GHR: variants seen among roughly 807,000 people sequenced by gnomAD.
GHR encodes the protein GH receptor.
Under a neutral mutation model 67.1 loss-of-function variants are expected in GHR, and 35 were observed. The ratio of observed to expected loss-of-function variants is 0.52; its 90% CI spans 0.40 to 0.69. The LOEUF is 0.69. Ranked by LOEUF, GHR falls within the 30% of genes least tolerant of loss-of-function variation. The pLI is 0.00. For synonymous variants in GHR, 272 were observed against 269.1 expected, an observed-to-expected ratio of 1.01 and a Z score of -0.10; for missense variants, 792 against 764.6, an observed-to-expected ratio of 1.04 and a Z score of -0.42.
intron 1 of GHR, among the ~76,000 whole-genome samples, chr5:42,446,147 G>A (rs1743796076): frequency 6.6e-6 from 1 of 152,138 alleles, no homozygotes; most frequent in African/African-American, 2.4e-5. Context: ...GACCAGACAT[G>A]GACTTTAGGA....
intron 6 of GHR, among the ~76,000 whole-genome samples, chr5:42,705,681 G>A (rs940879256): frequency 2.0e-5 from 3 of 152,032 alleles, no homozygotes; most frequent in Admixed American, 6.6e-5. Flanking sequence ...ATGCATTAGT[G>A]TGCTTAGCAT....
chr5:42,442,935 C>G (rs1330240012), intron 1 of GHR, among the ~76,000 whole-genome samples: 1 of 152,206 alleles, frequency 6.6e-6, no homozygotes, highest in East Asian at 1.9e-4. Flanking sequence ...CAAGTAAAGT[C>G]TTTATGGGGA....
intron 1 of GHR, among the ~76,000 whole-genome samples, chr5:42,476,191 C>T (rs376072943): frequency 6.6e-6 from 1 of 151,810 alleles, no homozygotes; most frequent in South Asian, 2.1e-4. Flanking sequence ...GCGTGAGCCA[C>T]CGCGCCCGGC....
chr5:42,554,882 A>G (rs1334730158), intron 1 of GHR, among the ~76,000 whole-genome samples: 6 of 152,218 alleles, frequency 3.9e-5, no homozygotes, highest in African/African-American at 1.4e-4. Flanking sequence ...TGCAGTTGCT[A>G]GAGAATTTAC....
rs1162950196 is a variant in GHR, at chr5:42,463,730, A to T, written c.-12+39775A>T. 2.0e-5 allele frequency among the ~76,000 whole-genome samples: 3 copies of T among 152,104 alleles called. No individual in the cohort carries two copies. In the East Asian group the frequency reaches 5.8e-4, roughly 29 times the overall value. ...TTTAGTGGGCCGGGCGCGGTGGCTC[A>T]CGCCTGTAATCCCAGCACTTTGGGA... On this transcript the variant is annotated intron_variant, in intron 1 of 9. Coordinates refer to ENST00000230882, the MANE Select transcript of GHR (RefSeq NM_000163.5).
chr5:42,573,725 A>T (rs1750467349), intron 2 of GHR, among the ~76,000 whole-genome samples: 2 of 152,186 alleles, frequency 1.3e-5, no homozygotes, highest in African/African-American at 2.4e-5. Context: ...TCTTAGCCCC[A>T]TTCCTTAAAT....
rs533433868 is a variant in GHR, at chr5:42,568,559, A to G, written c.70+2615A>G. On this transcript the variant is annotated intron_variant, in intron 2 of 9. Coordinates refer to ENST00000230882, the MANE Select transcript of GHR (RefSeq NM_000163.5). ...AAATGTGCATAAAGATCTAATGGATATAAGTATTCTTCCAAGGAGTGCCTG... is the reference window on the plus strand; with the variant it reads ...AAATGTGCATAAAGATCTAATGGATGTAAGTATTCTTCCAAGGAGTGCCTG... Among the ~76,000 whole-genome samples, 6 of 152,340 alleles carry G rather than the reference A, an allele frequency of 3.9e-5. No individual in the cohort carries two copies. The East Asian group carries it at 9.6e-4, about 24-fold the overall frequency.
intron 2 of GHR, among the ~76,000 whole-genome samples, chr5:42,604,206 A>G (rs1403418322): frequency 6.6e-6 from 1 of 152,186 alleles, no homozygotes; most frequent in Non-Finnish European, 1.5e-5. Flanking sequence ...CTTCACATGT[A>G]TAGCTGTCTA....
At chr5:42,480,114 A>T (rs538315892) in intron 1 of GHR, among the ~76,000 whole-genome samples, 5 of 152,284 alleles carry the variant, frequency 3.3e-5, no homozygotes, top group African/African-American at 4.8e-5. Flanking sequence ...TTCAAAGAAC[A>T]TCTTTATTTC....
intron 2 of GHR, among the ~76,000 whole-genome samples, chr5:42,623,676 G>A (rs905032099): frequency 6.6e-6 from 1 of 152,130 alleles, no homozygotes; most frequent in Non-Finnish European, 1.5e-5. Flanking sequence ...TCCAATGCTT[G>A]ACCACTCTTC....
chr5:42,542,299 G>T (rs1748548876), intron 1 of GHR, among the ~76,000 whole-genome samples: 1 of 152,254 alleles, frequency 6.6e-6, no homozygotes, highest in Non-Finnish European at 1.5e-5. Flanking sequence ...TTATTCATTG[G>T]TTAAATAAGA....
chr5:42,452,457 G>C (rs1237940307), intron 1 of GHR, among the ~76,000 whole-genome samples: 1 of 152,016 alleles, frequency 6.6e-6, no homozygotes, highest in East Asian at 1.9e-4. Flanking sequence ...AGCAAGGCCA[G>C]GGAAGTTTTC....
chr5:42,475,611 A>AC (rs769334672), intron 1 of GHR, among the ~76,000 whole-genome samples: 57 of 147,852 alleles, frequency 3.9e-4, no homozygotes, highest in South Asian at 1.1e-3. Context: ...CTTAAAAAGG[A>AC]CCCCCCCACC....
Position 42,720,546 on chromosome 5 carries a change from A to G in GHR, c.*1122A>G, listed in dbSNP as rs1758969925. 1 of 152,228 alleles carries G rather than the reference A, an allele frequency of 6.6e-6. No homozygotes were observed. The highest frequency in any genetic ancestry group is 1.5e-5 in the Non-Finnish European group (1 of 68,046). 9.4% of individuals were successfully genotyped at this position (152,228 alleles called of 1,614,324 possible). On this transcript the variant is annotated 3_prime_UTR_variant, in exon 10 of 10. Transcript: ENST00000230882. Reference sequence around the variant, plus strand: ...AGGAAGGGAATAAGGTACAAGAAGCATTTTGTAAGTTGAAGCAAATCGAAT... The same window carrying G: ...AGGAAGGGAATAAGGTACAAGAAGCGTTTTGTAAGTTGAAGCAAATCGAAT...
At chr5:42,568,322 GT>G (rs1750072409) in intron 2 of GHR, among the ~76,000 whole-genome samples, 1 of 152,118 alleles carries the variant, frequency 6.6e-6, no homozygotes, top group South Asian at 2.1e-4. Flanking sequence ...TGTAATAGAT[GT>G]TTTCTGTCTC....
intron 2 of GHR, among the ~76,000 whole-genome samples, chr5:42,575,119 A>G (rs1750579777): frequency 6.6e-6 from 1 of 152,112 alleles, no homozygotes; most frequent in African/African-American, 2.4e-5. Flanking sequence ...TCCTGTCAAG[A>G]GAGTAAAGGG....
rs80048599 is a variant in GHR at position 42,606,066 on chromosome 5, C to T, written c.71-22972C>T. Among the ~76,000 whole-genome samples, 187 of 152,218 alleles carry T rather than the reference C, an allele frequency of 1.2e-3. 3 individuals carry two copies. In the East Asian group the frequency reaches 0.035, roughly 28 times the overall value. On this transcript the variant is annotated intron_variant, in intron 2 of 9. Transcript: ENST00000230882. ...CTTGGGGGACACATAAATGCCAGTC[C>T]CCCATAGCTCCCAGAGCTAGGTGAT...
intron 2 of GHR, among the ~76,000 whole-genome samples, chr5:42,606,193 T>C (rs1752622603): frequency 6.6e-6 from 1 of 152,058 alleles, no homozygotes; most frequent in Non-Finnish European, 1.5e-5. Context: ...TATCATTGGA[T>C]TGAGCTGGGG....
chr5:42,718,231 G>T, intron 9 of GHR, 110 bp downstream of exon 9: 1 of 749,044 alleles, frequency 1.3e-6, no homozygotes, highest in Non-Finnish European at 2.3e-6. Flanking sequence ...CAATTTTCTT[G>T]TGTCTCTTCT....
Sources: gnomAD v4.1 joint callset for allele counts (sites outside exome capture counted in the v4.1 genomes callset) on GRCh38, gnomAD v4.1.1 for gene constraint, MANE v1.5 for transcripts, NCBI Gene and HGNC (gene_info 2026-07-23, HGNC 2026-07-21) for gene names.